Variants in CUL7 observed in about 807,000 individuals in gnomAD.
CUL7 encodes the protein cullin-7.
CUL7 carries 96 observed loss-of-function variants against 177.7 expected under a neutral mutation model. That is an observed-to-expected ratio of 0.54 (90% CI 0.46 to 0.64). The LOEUF is 0.64. Ranked by LOEUF, CUL7 falls within the 30% of genes least tolerant of loss-of-function variation. CUL7 has a pLI of 0.00. For missense variants in CUL7, 1,893 were observed against 2,187.9 expected (o/e 0.87, Z 2.69); for synonymous variants, 824 against 890.2 (o/e 0.93, Z 1.32).
At chr6:43,047,427 T>C (rs1039810498) in intron 9 of CUL7, among the ~76,000 whole-genome samples, 2 of 152,078 alleles carry the variant, frequency 1.3e-5, no homozygotes, top group African/African-American at 4.8e-5. Flanking sequence ...CAAAAACCAG[T>C]TGTAGGGCTG....
rs754216413 is a variant in CUL7 at position 43,038,410 on chromosome 6, T to A, written c.4630A>T (p.Ile1544Phe). 1 of 1,614,202 alleles carries A rather than the reference T, an allele frequency of 6.2e-7. No individual in the cohort carries two copies. Among genetic ancestry groups the A allele is most frequent in the East Asian group, 2.2e-5 (1 of 44,874 alleles). ...GCTTGCAGGTACGTCTGAGGTGGGA[T>A]GAGCCGCACAATGTCCCATCTCGAC... ...PRSRWDIVRL[I>F]PPQTYLQAEG... The change falls in exon 25 of 26, where the codon ATC becomes TTC. Residue 1544 changes from isoleucine (I) to phenylalanine (F), a missense_variant. By Grantham distance (21) the Ile-to-Phe change is conservative (BLOSUM62 0). This residue lies in a region of CUL7 where 248 missense variants were observed against 262.5 expected (regional missense o/e 0.94). Coordinates refer to ENST00000265348, the MANE Select transcript of CUL7 (RefSeq NM_014780.5).
intron 12 of CUL7, 60 bp from the exon 13 acceptor site, chr6:43,046,151 G>A: frequency 6.2e-7 from 1 of 1,611,278 alleles, no homozygotes. Flanking sequence ...GCCAAGTCCA[G>A]GGGGTGGTGC....
At chr6:43,049,817 C>T in intron 6 of CUL7, 146 bp downstream of exon 6, 5 of 1,345,200 alleles carry the variant, frequency 3.7e-6, no homozygotes, top group Non-Finnish European at 5.3e-6. Context: ...CTCACCCTCC[C>T]ACCTCTGAAA....
At position 43,048,358 on chromosome 6, in the gene CUL7, G is replaced by C. The variant is rs758381042; in HGVS notation, c.2037C>G (p.Asn679Lys). 6.2e-7 allele frequency: 1 copy of C among 1,612,958 alleles called. No homozygotes were observed. Among genetic ancestry groups the C allele is most frequent in the East Asian group, 2.2e-5 (1 of 44,882 alleles). ...TCAGCACAGTCAGGTGCAGGGTCCT[G>C]TTAGTCTCCGGAGTGTCCAGGCTCT... is the stretch of plus-strand genomic sequence containing the variant. ...LMQSLDTPET[N>K]RTLHLTVLRI... Residue 679 changes from asparagine (N) to lysine (K), a missense_variant, in exon 8 of 26, where the codon AAC (asparagine) becomes AAG (lysine). By Grantham distance (94) the Asn-to-Lys change is moderately conservative. This residue lies in a region of CUL7 where 973 missense variants were observed against 1,140.9 expected (regional missense o/e 0.85). Coordinates refer to ENST00000265348, the MANE Select transcript of CUL7 (RefSeq NM_014780.5).
chr6:43,049,585 C>T lies in CUL7; in HGVS notation c.1647G>A (p.Gln549=), dbSNP rs146683586. The change falls in exon 7 of 26, where the codon CAG becomes CAA. Residue 549 remains glutamine, a synonymous_variant. Coordinates refer to ENST00000265348, the MANE Select transcript of CUL7 (RefSeq NM_014780.5). The stretch of plus-strand genomic sequence containing the variant: ...CCCTGAGGGCACTGTCATTGAGTCG[C>T]TGTGGCAGAGTCAGCAGCAAGTCCT... ...LAQDLLLTLP[Q]RLNDSALRDL... is the part of the protein sequence containing the mutation. 1 of 1,614,106 alleles carries T rather than the reference C, an allele frequency of 6.2e-7. No individual in the cohort carries two copies. The highest frequency in any genetic ancestry group is 1.3e-5 in the African/African-American group (1 of 74,934).
chr6:43,048,367 C>T lies in CUL7; in HGVS notation c.2028G>A (p.Pro676=), dbSNP rs765525272. ...TCAGGTGCAGGGTCCTGTTAGTCTC[C>T]GGAGTGTCCAGGCTCTGCATCAGTG... is the stretch of plus-strand genomic sequence containing the variant. The part of the protein sequence containing the change: ...FLALMQSLDT[P]ETNRTLHLTV... The change falls in exon 8 of 26, where the codon CCG becomes CCA. Residue 676 remains proline (P), a synonymous_variant. Coordinates refer to ENST00000265348, the MANE Select transcript of CUL7 (RefSeq NM_014780.5). 2.0e-5 allele frequency: 32 copies of T among 1,613,434 alleles called. No homozygotes were observed. Among genetic ancestry groups the T allele is most frequent in the Middle Eastern group, 1.6e-4 (1 of 6,082 alleles).
At position 43,052,843 on chromosome 6, in the gene CUL7, G is replaced by A. The variant is rs1190186492; in HGVS notation, c.-8-47C>T. 4 of 1,569,992 alleles carry A rather than the reference G, an allele frequency of 2.5e-6. No homozygotes were observed. The highest frequency in any genetic ancestry group is 3.4e-6 in the Non-Finnish European group (4 of 1,161,826). ...GAACAGACAAGCTAGAGGAAGGAGA[G>A]GTCAGAAAATCAAAGATATCCAGGA... On this transcript the variant is annotated intron_variant, in intron 1 of 25. Coordinates refer to ENST00000265348, the MANE Select transcript of CUL7 (RefSeq NM_014780.5). The surrounding 1 kb of genome is among the most constrained non-coding windows in gnomAD (Gnocchi z 4.5).
Position 43,046,272 on chromosome 6 carries a change from T to G in CUL7, c.2624A>C (p.Tyr875Ser). The part of the protein sequence containing the change: ...WESNGSAGSH[Y>S]ITLHMRRGIL... ...GCCCCGGCGCATGTGCAGGGTGATG[T>G]AGTGGGAGCCGGCGCTGCCGTTGGA... Residue 875 changes from tyrosine (Y) to serine (S), a missense_variant, in exon 12 of 26, where the codon TAC becomes TCC. Physicochemically the swap from Tyr to Ser is moderately radical, Grantham distance 144 (BLOSUM62 -2). Coordinates refer to ENST00000265348, the MANE Select transcript of CUL7 (RefSeq NM_014780.5). 1 of 1,614,132 alleles carries G rather than the reference T, an allele frequency of 6.2e-7. No homozygotes were observed. The highest frequency in any genetic ancestry group is 8.5e-7 in the Non-Finnish European group (1 of 1,179,996).
Position 43,048,369 on chromosome 6 carries a change from G to C in CUL7, c.2026C>G (p.Pro676Ala). 1 of 1,613,690 alleles carries C rather than the reference G, an allele frequency of 6.2e-7. No homozygotes were observed. The highest frequency in any genetic ancestry group is 8.5e-7 in the Non-Finnish European group (1 of 1,179,588). ...AGGTGCAGGGTCCTGTTAGTCTCCG[G>C]AGTGTCCAGGCTCTGCATCAGTGCC... ...FLALMQSLDTPETNRTLHLTV... is the reference protein window; with the variant it reads ...FLALMQSLDTAETNRTLHLTV... The change falls in exon 8 of 26, where the codon CCG becomes GCG. Residue 676 changes from proline (P) to alanine (A), a missense_variant. By Grantham distance (27) the Pro-to-Ala change is conservative. Coordinates refer to ENST00000265348, the MANE Select transcript of CUL7 (RefSeq NM_014780.5).
chr6:43,041,584 G>A (rs111762573), intron 19 of CUL7, among the ~76,000 whole-genome samples: 7 of 152,018 alleles, frequency 4.6e-5, no homozygotes, highest in African/African-American at 1.7e-4. Context: ...GTGTGGGAGG[G>A]AGTAAGACCC....
In CUL7 at chr6:43,043,139, G is replaced by T. The variant is rs1166711922; in HGVS notation, c.3397C>A (p.Arg1133=). ...RSHDWSSLAT[R]GLPSSIMRNL... ...CTCATGATGCTGCTTGGAAGGCCCC[G>T]GGTAGCCAAGGAGCTCCAGTCGTGG... Residue 1133 remains arginine (R), a synonymous_variant, in exon 18 of 26, where the codon CGG becomes AGG. Coordinates refer to ENST00000265348, the MANE Select transcript of CUL7 (RefSeq NM_014780.5). The surrounding 1 kb of genome is among the most constrained non-coding windows in gnomAD (Gnocchi z 4.2). 4 of 1,614,028 alleles carry T rather than the reference G, an allele frequency of 2.5e-6. No homozygotes were observed. The highest frequency in any genetic ancestry group is 2.5e-6 in the Non-Finnish European group (3 of 1,180,018).
intron 22 of CUL7, 150 bp from the exon 23 acceptor site, chr6:43,039,137 C>T: frequency 4.6e-6 from 3 of 653,916 alleles, no homozygotes; most frequent in Non-Finnish European, 8.3e-6. Context: ...TCTGAGCTTC[C>T]AGATCTCAGC....
chr6:43,046,247 G>T lies in CUL7; in HGVS notation c.2649C>A (p.Gly883=). ...SHYITLHMRR[G]ILIRQLTLLV... ...TGTGGGAGAGTTACCTGATGAGGATGCCCCGGCGCATGTGCAGGGTGATGT... is the reference window on the plus strand; with the variant it reads ...TGTGGGAGAGTTACCTGATGAGGATTCCCCGGCGCATGTGCAGGGTGATGT... The change falls in exon 12 of 26, where the codon GGC becomes GGA. Residue 883 remains glycine (G), a synonymous_variant. Coordinates refer to ENST00000265348, the MANE Select transcript of CUL7 (RefSeq NM_014780.5). 1.2e-6 allele frequency: 2 copies of T among 1,614,244 alleles called. No individual in the cohort carries two copies. Among genetic ancestry groups the T allele is most frequent in the East Asian group, 2.2e-5 (1 of 44,878 alleles).
Position 43,053,525 on chromosome 6 carries a change from C to A in CUL7, c.-9+97G>T. The A allele has an allele frequency of 1.2e-6, 1 of 825,938 alleles. No individual in the cohort carries two copies. Among genetic ancestry groups the A allele is most frequent in the South Asian group, 2.9e-5 (1 of 34,098 alleles). The allele number at this position is 825,938 out of a possible 1,614,324, so 51.2% of individuals were successfully genotyped here. ...GGCCCCATAAGCTAGAACCCCGAGG[C>A]ACGGTAGGATGGGGACCGAGGTTGG... On this transcript the variant is annotated intron_variant, in intron 1 of 25. Coordinates refer to ENST00000265348, the MANE Select transcript of CUL7 (RefSeq NM_014780.5). This position sits in a 1 kb window ranked among gnomAD's most constrained non-coding sequence, Gnocchi z 4.1.
rs1281497139 is a variant in CUL7 at position 43,053,194 on chromosome 6, G to A, written c.-8-398C>T. 6.6e-6 allele frequency among the ~76,000 whole-genome samples: 1 copy of A among 152,176 alleles called. No homozygotes were observed. Among genetic ancestry groups the A allele is most frequent in the Non-Finnish European group, 1.5e-5 (1 of 68,018 alleles). On this transcript the variant is annotated intron_variant, in intron 1 of 25. Transcript: ENST00000265348. This position sits in a 1 kb window ranked among gnomAD's most constrained non-coding sequence, Gnocchi z 4.1. ...TGGGAGGGAGATCGTGAGTGTGTGT[G>A]AAAAGGGGTGCTGTCTCTAAGGATT...
At position 43,052,421 on chromosome 6, in the gene CUL7, C is replaced by A. The variant is rs766404282; in HGVS notation, c.368G>T (p.Arg123Leu). ...AGTGCCCACACACTCCTCCAGCTGC[C>A]GAAGGGCTCTCTGAATGAGGGACTT... ...DVKSLIQRAL[R>L]QLEECVGTIP... Residue 123 changes from arginine (R) to leucine (L), a missense_variant, in exon 2 of 26, where the codon CGG becomes CTG. This residue lies in a region of CUL7 where 653 missense variants were observed against 725.2 expected (regional missense o/e 0.90). Coordinates refer to ENST00000265348, the MANE Select transcript of CUL7 (RefSeq NM_014780.5). The surrounding 1 kb of genome is among the most constrained non-coding windows in gnomAD (Gnocchi z 4.5). 1 of 1,614,062 alleles carries A rather than the reference C, an allele frequency of 6.2e-7. No individual in the cohort carries two copies. Among genetic ancestry groups the A allele is most frequent in the Non-Finnish European group, 8.5e-7 (1 of 1,179,906 alleles).
chr6:43,039,735 CTTTTTTTTTTTT>C (rs763879172), intron 22 of CUL7, among the ~76,000 whole-genome samples: 2 of 94,856 alleles, frequency 2.1e-5, no homozygotes, highest in African/African-American at 4.4e-5. Flanking sequence ...AAGACCAACT[CTTTTTTTTTTTT>C]TTTTTTTTTT....
At chr6:43,042,003 CAAAAAA>C (rs201127168) in intron 19 of CUL7, among the ~76,000 whole-genome samples, 913 of 53,528 alleles carry the variant, frequency 0.017, 3 homozygotes, top group Non-Finnish European at 0.029. Context: ...GACTCCGTCT[CAAAAAA>C]AAAAAAAAAA....
rs531198986 is a variant in CUL7, at chr6:43,041,103, C to G, written c.3646-28G>C. On this transcript the variant is annotated intron_variant, in intron 19 of 25. Transcript: ENST00000265348. ...GAGCAATGGCAGAGCACAGGAAAGC[C>G]ATGAATGAGCGAGCAGAGCAGGTGA... 14 of 1,611,916 alleles carry G rather than the reference C, an allele frequency of 8.7e-6. No individual in the cohort carries two copies. In the South Asian group the frequency reaches 1.4e-4, roughly 17 times the overall value.
Sources: allele counts gnomAD v4.1 joint callset (sites outside exome capture counted in the v4.1 genomes callset), GRCh38; gene constraint gnomAD v4.1.1; regional missense constraint gnomAD v4.1.1; non-coding constraint Gnocchi (gnomAD v3.1); transcripts MANE v1.5; gene names NCBI Gene and HGNC (gene_info 2026-07-23, HGNC 2026-07-21).